CFAP47: variants seen among roughly 807,000 people sequenced by gnomAD.
The protein encoded by CFAP47 is cilia- and flagella-associated protein 47.
CFAP47 carries 29 observed loss-of-function variants against 148.1 expected under a neutral mutation model. The ratio of observed to expected loss-of-function variants is 0.20; its 90% CI spans 0.15 to 0.27. The LOEUF is 0.27. CFAP47 is among the 10% of genes least tolerant of loss of function. The pLI, the probability that CFAP47 is intolerant of heterozygous loss-of-function variation, is 1.00. For synonymous variants in CFAP47, 664 were observed against 577.3 expected, an observed-to-expected ratio of 1.15 and a Z score of -2.15; for missense variants, 1,872 against 1,697.5, an observed-to-expected ratio of 1.10 and a Z score of -1.81.
At position 36,126,467 on chromosome X, in the gene CFAP47, G is replaced by C. The variant is rs771110066; in HGVS notation, c.5321-11491G>C. ...TGCATAGTATTCCACATATGTATAT[G>C]TGCCACATTTTCTTTATCCAGTCTA... On this transcript the variant is annotated intron_variant, in intron 33 of 63. Transcript: ENST00000378653. 2.3e-4 allele frequency among the ~76,000 whole-genome samples: 26 copies of C among 111,759 alleles called. No homozygotes were observed. The South Asian group carries it at 9.5e-3, about 41-fold the overall frequency.
intron 49 of CFAP47, among the ~76,000 whole-genome samples, chrX:36,252,999 G>A (rs1248192675): frequency 8.9e-6 from 1 of 112,162 alleles, no homozygotes; most frequent in East Asian, 2.8e-4. Context: ...ATAGACTGAC[G>A]AAAAATTAAA....
chrX:36,175,806 C>T (rs1186559206), intron 39 of CFAP47, among the ~76,000 whole-genome samples: 1 of 113,433 alleles, frequency 8.8e-6, no homozygotes, highest in African/African-American at 3.2e-5. Context: ...GGCAGGCCTC[C>T]TTGAGCTGTG....
intron 23 of CFAP47, among the ~76,000 whole-genome samples, chrX:36,033,362 A>G (rs1937302433): frequency 8.9e-6 from 1 of 111,921 alleles, no homozygotes. Context: ...TATCATTTTG[A>G]CAAAAATATA....
rs141040280 is a variant in CFAP47, at chrX:36,367,475, A to G, written c.9185+348A>G. On this transcript the variant is annotated intron_variant, in intron 62 of 63. Coordinates refer to ENST00000378653, the MANE Select transcript of CFAP47 (RefSeq NM_001304548.2). The stretch of plus-strand genomic sequence containing the variant: ...TAACTAAGCAGAAATAATTGGGTAA[A>G]CCCACGTTGATTCCATGTTATGTTT... 5.2e-3 allele frequency among the ~76,000 whole-genome samples: 584 copies of G among 111,625 alleles called. 2 individuals carry two copies. The highest frequency in any genetic ancestry group is 0.015 in the African/African-American group (455 of 30,815).
chrX:36,292,178 T>A (rs1941199940), intron 51 of CFAP47, among the ~76,000 whole-genome samples: 1 of 111,015 alleles, frequency 9.0e-6, no homozygotes, highest in South Asian at 3.9e-4. Flanking sequence ...ACATTTCAAG[T>A]CATATGGTGG....
rs1319219781 is a variant in CFAP47, at chrX:36,104,620, G to T, written c.5249G>T (p.Arg1750Ile). Residue 1750 changes from arginine to isoleucine, a missense_variant, in exon 33 of 64, where the codon AGA (arginine) becomes ATA (isoleucine). By Grantham distance (97) the Arg-to-Ile change is moderately conservative. Coordinates refer to ENST00000378653, the MANE Select transcript of CFAP47 (RefSeq NM_001304548.2). ...AGCAACATATATTCTGATTCTGAAA[G>T]AATTTTGCTTAGTTGGATGAACATA... ...ASSNIYSDSE[R>I]ILLSWMNINY... The T allele has an allele frequency of 8.5e-6, 8 of 940,994 alleles. No homozygotes were observed. In the Admixed American group the frequency reaches 9.2e-5, roughly 11 times the overall value. 77.5% of individuals were successfully genotyped at this position (940,994 alleles called of 1,213,427 possible).
At chrX:36,269,954 TC>T (rs1940938751) in intron 49 of CFAP47, among the ~76,000 whole-genome samples, 1 of 112,056 alleles carries the variant, frequency 8.9e-6, no homozygotes, top group African/African-American at 3.2e-5. Context: ...AAATAATTAT[TC>T]TAAAATCAGT....
chrX:36,067,434 A>G lies in CFAP47; in HGVS notation c.4318+1691A>G, dbSNP rs148886699. Among the ~76,000 whole-genome samples the G allele has an allele frequency of 4.5e-5, 5 of 111,179 alleles. No homozygotes were observed. In the East Asian group the frequency reaches 1.4e-3, roughly 32 times the overall value. On this transcript the variant is annotated intron_variant, in intron 27 of 63. Coordinates refer to ENST00000378653, the MANE Select transcript of CFAP47 (RefSeq NM_001304548.2). ...GGAAACCTGAGTGCCATCATTGGCA[A>G]TGTCTTCTCTCTCACACTCCACTTC...
At chrX:36,352,705 A>C (rs1941752338) in intron 59 of CFAP47, among the ~76,000 whole-genome samples, 1 of 110,649 alleles carries the variant, frequency 9.0e-6, no homozygotes, top group Non-Finnish European at 1.9e-5. Context: ...TGTCAAAATA[A>C]TACATTGATA....
At position 36,190,133 on chromosome X, in the gene CFAP47, G is replaced by A. The variant is rs782599272; in HGVS notation, c.6258G>A (p.Glu2086=). The A allele has an allele frequency of 3.4e-6, 1 of 296,824 alleles. No individual in the cohort carries two copies. Among genetic ancestry groups the A allele is most frequent in the South Asian group, 2.0e-4 (1 of 4,952 alleles). The allele number at this position is 296,824 out of a possible 1,213,427, so 24.5% of individuals were successfully genotyped here. ...HLGVKGTSSL[E]LRFLPFNMHV... ...GAGTGAAAGGAACTTCAAGCCTAGA[G>A]CTCCGCTTTCTTCCCTTTAACATGC... The change falls in exon 42 of 64, where the codon GAG becomes GAA. Residue 2086 remains glutamate, a synonymous_variant. Coordinates refer to ENST00000378653, the MANE Select transcript of CFAP47 (RefSeq NM_001304548.2).
chrX:36,366,270 A>G (rs2146994187), intron 61 of CFAP47, among the ~76,000 whole-genome samples: 1 of 111,740 alleles, frequency 8.9e-6, no homozygotes, highest in African/African-American at 3.2e-5. Context: ...TACCCTAAAC[A>G]AGCAAACAGA....
At chrX:36,106,518 G>T (rs184519893) in intron 33 of CFAP47, among the ~76,000 whole-genome samples, 1 of 111,963 alleles carries the variant, frequency 8.9e-6, no homozygotes, top group South Asian at 3.7e-4. Flanking sequence ...AAGGGCTGCT[G>T]TCTGTTTCCA....
At chrX:36,017,197 T>C (rs1937106930) in intron 22 of CFAP47, among the ~76,000 whole-genome samples, 1 of 111,988 alleles carries the variant, frequency 8.9e-6, no homozygotes, top group Non-Finnish European at 1.9e-5. Flanking sequence ...ACTTCCATGT[T>C]TGTTGCAGCA....
Position 36,299,143 on chromosome X carries a change from G to A in CFAP47, c.7853G>A (p.Ser2618Asn). The change falls in exon 52 of 64, where the codon AGC becomes AAC. Residue 2618 changes from serine to asparagine, a missense_variant. By Grantham distance (46) the Ser-to-Asn change is conservative (BLOSUM62 1). Coordinates refer to ENST00000378653, the MANE Select transcript of CFAP47 (RefSeq NM_001304548.2). ...VWYSPATTGY[S>N]DESIIFQPEM... The stretch of plus-strand genomic sequence containing the variant: ...TATTCTCCAGCAACTACAGGCTACA[G>A]CGATGAAAGGTATGGTTTGAGTGTG... The A allele has an allele frequency of 9.7e-6, 10 of 1,034,993 alleles. No homozygotes were observed. Among genetic ancestry groups the A allele is most frequent in the Non-Finnish European group, 7.6e-6 (6 of 788,828 alleles). 85.3% of individuals were successfully genotyped at this position (1,034,993 alleles called of 1,213,427 possible).
At chrX:36,269,751 T>G (rs781957511) in intron 49 of CFAP47, among the ~76,000 whole-genome samples, 6 of 112,098 alleles carry the variant, frequency 5.4e-5, no homozygotes, top group Non-Finnish European at 1.1e-4. Context: ...ATTGAGATAA[T>G]AAGTATAACT....
chrX:36,019,311 G>T (rs775268100), intron 22 of CFAP47, among the ~76,000 whole-genome samples: 11 of 111,827 alleles, frequency 9.8e-5, no homozygotes, highest in Non-Finnish European at 1.9e-4. Context: ...TCACTAGAGG[G>T]TAAAGATTCA....
In CFAP47 at chrX:36,301,098, A is replaced by C. The variant is rs1270441507; in HGVS notation, c.7889A>C (p.Glu2630Ala). Residue 2630 changes from glutamate to alanine, a missense_variant, in exon 53 of 64, where the codon GAA becomes GCA. Coordinates refer to ENST00000378653, the MANE Select transcript of CFAP47 (RefSeq NM_001304548.2). ...ATTATTTTTCAGCCTGAAATGGCTG[A>C]AGAGTTCTGGTATTTACTGAAGTTA... ...ESIIFQPEMAEEFWYLLKLTI... is the reference protein window; with the variant it reads ...ESIIFQPEMAAEFWYLLKLTI... 6 of 1,155,747 alleles carry C rather than the reference A, an allele frequency of 5.2e-6. No individual in the cohort carries two copies. The highest frequency in any genetic ancestry group is 5.8e-6 in the Non-Finnish European group (5 of 863,932).
chrX:36,216,690 T>G (rs1555990203), intron 45 of CFAP47, among the ~76,000 whole-genome samples: 1 of 111,551 alleles, frequency 9.0e-6, no homozygotes, highest in African/African-American at 3.3e-5. Flanking sequence ...AAGTGGGGAT[T>G]GCTTATTGGT....
At chrX:36,159,650 T>C in intron 38 of CFAP47, 74 bp downstream of exon 38, 1 of 291,864 alleles carries the variant, frequency 3.4e-6, no homozygotes. Context: ...GTTATTGTTA[T>C]ACATTTTATC....
Sources: gnomAD v4.1 joint callset for allele counts (sites outside exome capture counted in the v4.1 genomes callset) on GRCh38, gnomAD v4.1.1 for gene constraint, MANE v1.5 for transcripts, NCBI Gene and HGNC (gene_info 2026-07-23, HGNC 2026-07-21) for gene names.